Variants in CBR4 observed in about 807,000 individuals in gnomAD.
The protein encoded by CBR4 is 3-oxoacyl-[acyl-carrier-protein] reductase.
Under a neutral mutation model 21.0 loss-of-function variants are expected in CBR4, and 22 were observed. The ratio of observed to expected loss-of-function variants is 1.05; its 90% CI spans 0.75 to 1.50. The LOEUF is 1.50. Among genes scored for constraint, CBR4 ranks in the 40% most tolerant of loss-of-function variants. The pLI, the probability that CBR4 is intolerant of heterozygous loss-of-function variation, is 0.00. For missense variants in CBR4, 302 were observed against 286.3 expected (o/e 1.05, Z -0.40); for synonymous variants, 100 against 104.4 (o/e 0.96, Z 0.26).
chr4:168,939,015 T>G (rs559225680), intron 2 of CBR4, among the ~76,000 whole-genome samples: 10 of 152,246 alleles, frequency 6.6e-5, no homozygotes, highest in Middle Eastern at 3.4e-3. Context: ...TTCAGGCCGA[T>G]ATCCCTGATG....
intron 1 of CBR4, among the ~76,000 whole-genome samples, chr4:169,008,392 A>C (rs1273802485): frequency 6.6e-6 from 1 of 152,208 alleles, no homozygotes; most frequent in Non-Finnish European, 1.5e-5. Context: ...CCAAAAAAAA[A>C]CTACACTTCA....
At chr4:168,940,506 C>A (rs1183973459) in intron 2 of CBR4, among the ~76,000 whole-genome samples, 1 of 151,966 alleles carries the variant, frequency 6.6e-6, no homozygotes, top group Admixed American at 6.6e-5. Flanking sequence ...AACAGGCAAC[C>A]TACAGAATAG....
At chr4:168,918,278 C>T (rs1270421507) in intron 2 of CBR4, among the ~76,000 whole-genome samples, 2 of 150,530 alleles carry the variant, frequency 1.3e-5, no homozygotes, top group African/African-American at 2.4e-5. Context: ...AGCCAGGATA[C>T]GGGATCAGCC....
At chr4:168,979,174 C>T (rs1195106088) in intron 2 of CBR4, among the ~76,000 whole-genome samples, 3 of 150,910 alleles carry the variant, frequency 2.0e-5, no homozygotes, top group Non-Finnish European at 3.0e-5. Context: ...CCTGCTCCCA[C>T]ACCCCAAGCA....
chr4:168,972,474 T>A (rs146898377), intron 2 of CBR4, among the ~76,000 whole-genome samples: 259 of 152,350 alleles, frequency 1.7e-3, no homozygotes, highest in African/African-American at 6.1e-3. Flanking sequence ...GTTTTGTAGT[T>A]TTCCTTGTAG....
At chr4:168,931,460 C>T (rs966321280) in intron 2 of CBR4, among the ~76,000 whole-genome samples, 4 of 151,806 alleles carry the variant, frequency 2.6e-5, no homozygotes, top group East Asian at 3.9e-4. Flanking sequence ...CCAGTAGACA[C>T]ACCCCTGGGC....
At chr4:169,009,028 C>A (rs937745327) in intron 1 of CBR4, 11 of 451,252 alleles carry the variant, frequency 2.4e-5, no homozygotes, top group East Asian at 2.1e-4. Flanking sequence ...GAGTTGGGGT[C>A]CAGCACGGGC....
rs1285047521 is a variant in CBR4 at position 169,010,190 on chromosome 4, GA to G, written c.-102del. 140 of 623,110 alleles carry G rather than the reference GA, an allele frequency of 2.2e-4. No individual in the cohort carries two copies. Among genetic ancestry groups the G allele is most frequent in the Non-Finnish European group, 2.6e-4 (114 of 430,976 alleles). The allele number at this position is 623,110 out of a possible 1,614,324, so 38.6% of individuals were successfully genotyped here. On this transcript the variant is annotated 5_prime_UTR_variant, in exon 1 of 5. Transcript: ENST00000306193. ...ACCGCGGTTCCAAAAAAAAAAAAAAGAAAAAAAAAGGCAAACCGCAAAAAAA... is the reference window on the plus strand; with the variant it reads ...ACCGCGGTTCCAAAAAAAAAAAAAAGAAAAAAAAGGCAAACCGCAAAAAAA...
chr4:169,003,967 G>T (rs1730681730), intron 3 of CBR4, among the ~76,000 whole-genome samples: 1 of 152,096 alleles, frequency 6.6e-6, no homozygotes, highest in Non-Finnish European at 1.5e-5. Context: ...AGCGGGGAGG[G>T]ATAGCATTGG....
At chr4:168,925,512 A>T (rs750021499) in intron 2 of CBR4, 1 of 516,690 alleles carries the variant, frequency 1.9e-6, no homozygotes, top group Non-Finnish European at 3.5e-6. Context: ...TGTTCCATTG[A>T]TCCTGGAATG....
rs1427431230 is a variant in CBR4 at position 168,980,153 on chromosome 4, C to CA, written n.169+21917dup. 2.0e-5 allele frequency among the ~76,000 whole-genome samples: 3 copies of CA among 151,940 alleles called. No individual in the cohort carries two copies. The East Asian group carries it at 5.8e-4, about 29-fold the overall frequency. On this transcript the variant is annotated intron_variant and non_coding_transcript_variant, in intron 2 of 3. Transcript: ENST00000509108. ...TGCTACCCCCAAGACGGAAAGAGAA[C>CA]AAAAAGTCTGGCTTGCCCCAGGGCT...
intron 2 of CBR4, chr4:168,926,099 G>A (rs1582262470): frequency 6.2e-6 from 5 of 806,256 alleles, no homozygotes; most frequent in Non-Finnish European, 9.2e-6. Flanking sequence ...TTTCTACCAT[G>A]GATGTGTTCA....
At chr4:168,926,358 T>G (rs1201397288) in intron 2 of CBR4, 1 of 1,537,324 alleles carries the variant, frequency 6.5e-7, no homozygotes, top group East Asian at 2.4e-5. Context: ...CACTGAATAC[T>G]GCCTTGGTAG....
intron 4 of CBR4, among the ~76,000 whole-genome samples, chr4:168,996,273 G>T (rs771870535): frequency 1.3e-5 from 2 of 152,118 alleles, no homozygotes; most frequent in Non-Finnish European, 2.9e-5. Context: ...TGGAGGACAT[G>T]AACATGTCCA....
At chr4:168,894,683 A>T (rs981612426) in exon 3 of CBR4, 2 of 1,612,534 alleles carry the variant, frequency 1.2e-6, no homozygotes, top group African/African-American at 1.3e-5. Flanking sequence ...ATCAGGTACC[A>T]TGTTGCTCTG....
rs1315688927 is a variant in CBR4, at chr4:168,988,225, C to T, written c.*1925G>A. 1.0e-6 allele frequency: 1 copy of T among 985,262 alleles called. No homozygotes were observed. 61.0% of individuals were successfully genotyped at this position (985,262 alleles called of 1,614,324 possible). ...AGTGGAGCAGTGAAGGTTTATTTTA[C>T]CTCTTTCAAGATCTCTCCATATATT... On this transcript the variant is annotated 3_prime_UTR_variant, in exon 5 of 5. Coordinates refer to ENST00000306193, the MANE Select transcript of CBR4 (RefSeq NM_032783.5).
chr4:168,925,213 CT>C (rs1762342607), intron 2 of CBR4: 12 of 1,598,512 alleles, frequency 7.5e-6, no homozygotes, highest in Non-Finnish European at 1.0e-5. Flanking sequence ...ATATTGCTCT[CT>C]CTCTCTTTCT....
intron 2 of CBR4, among the ~76,000 whole-genome samples, chr4:168,969,293 C>T (rs886216223): frequency 2.6e-5 from 4 of 152,152 alleles, no homozygotes; most frequent in Non-Finnish European, 5.9e-5. Context: ...GAGAACTGGT[C>T]CAAGTCTGGG....
intron 2 of CBR4, among the ~76,000 whole-genome samples, chr4:168,922,009 G>C (rs2126506011): frequency 6.6e-6 from 1 of 151,572 alleles, no homozygotes; most frequent in African/African-American, 2.4e-5. Flanking sequence ...GTGGCCCCTA[G>C]TGTTACATAG....
Sources: allele counts gnomAD v4.1 joint callset (sites outside exome capture counted in the v4.1 genomes callset), GRCh38; gene constraint gnomAD v4.1.1; transcripts MANE v1.5; gene names NCBI Gene and HGNC (gene_info 2026-07-23, HGNC 2026-07-21).